GFI1B: variants seen among roughly 807,000 people sequenced by gnomAD.
GFI1B encodes growth factor independent 1B transcriptional repressor.
GFI1B carries 20 observed loss-of-function variants against 35.3 expected under a neutral mutation model. The observed-to-expected ratio is 0.57, with a 90% confidence interval of 0.40 to 0.82. The LOEUF (loss-of-function observed/expected upper bound fraction) is 0.82. Ranked by LOEUF, GFI1B falls within the 40% of genes least tolerant of loss-of-function variation. The pLI is 0.00. For missense variants in GFI1B, 430 were observed against 446.3 expected (o/e 0.96, Z 0.33); for synonymous variants, 178 against 177.6 (o/e 1.00, Z -0.02).
intron 1 of GFI1B, among the ~76,000 whole-genome samples, chr9:132,984,662 G>A (rs980688592): frequency 2.2e-4 from 33 of 152,178 alleles, no homozygotes; most frequent in African/African-American, 7.5e-4. Flanking sequence ...GTCCTTTCTC[G>A]CTCCCCACCA....
intron 1 of GFI1B, among the ~76,000 whole-genome samples, chr9:132,945,979 C>T (rs989855104): frequency 6.6e-6 from 1 of 152,182 alleles, no homozygotes; most frequent in Non-Finnish European, 1.5e-5. Flanking sequence ...CTTCAGAATT[C>T]TGAAAAGGCC....
intron 1 of GFI1B, among the ~76,000 whole-genome samples, chr9:132,969,673 G>A (rs1467343422): frequency 6.6e-6 from 1 of 152,200 alleles, no homozygotes; most frequent in Non-Finnish European, 1.5e-5. Context: ...GGAACTGGGT[G>A]AGATGATTTG....
intron 1 of GFI1B, among the ~76,000 whole-genome samples, chr9:132,961,738 C>T (rs1282302703): frequency 6.6e-6 from 1 of 151,976 alleles, no homozygotes; most frequent in Non-Finnish European, 1.5e-5. Context: ...ACTACAGGTG[C>T]CCGCCACCAC....
intron 1 of GFI1B, among the ~76,000 whole-genome samples, chr9:132,950,822 T>TTTG (rs1279494135): frequency 1.4e-5 from 2 of 146,464 alleles, no homozygotes; most frequent in East Asian, 3.9e-4. Context: ...TATGGGGTTT[T>TTTG]TTGTTGTTGT....
chr9:132,988,206 T>C lies in GFI1B; in HGVS notation c.248T>C (p.Ile83Thr). The change falls in exon 4 of 7, where the codon ATT (isoleucine) becomes ACT (threonine). Residue 83 changes from isoleucine (I) to threonine (T), a missense_variant. By Grantham distance (89) the Ile-to-Thr change is moderately conservative. Transcript: ENST00000372122. ...ARMAPAPEGP[I>T]VLSRPQDGDS... Reference sequence around the variant, plus strand: ...GTCGTTATCTCCACAGAGGGCCCCATTGTGCTGTCCCGACCCCAGGATGGG... The same window carrying C: ...GTCGTTATCTCCACAGAGGGCCCCACTGTGCTGTCCCGACCCCAGGATGGG... 1 of 1,613,942 alleles carries C rather than the reference T, an allele frequency of 6.2e-7. No homozygotes were observed. The highest frequency in any genetic ancestry group is 1.1e-5 in the South Asian group (1 of 91,082).
intron 1 of GFI1B, chr9:132,962,746 C>A (rs993953115): frequency 2.1e-5 from 8 of 373,332 alleles, no homozygotes; most frequent in South Asian, 1.9e-4. Flanking sequence ...AAAATGTCAC[C>A]ATATCTGGAC....
At chr9:132,966,483 T>C (rs1848452429) in intron 1 of GFI1B, among the ~76,000 whole-genome samples, 1 of 152,246 alleles carries the variant, frequency 6.6e-6, no homozygotes, top group African/African-American at 2.4e-5. Context: ...TCTCATTTTT[T>C]AGAACTGTGG....
At chr9:132,976,267 G>A (rs1184920971), upstream of GFI1B, among the ~76,000 whole-genome samples, 2 of 152,188 alleles carry the variant, frequency 1.3e-5, no homozygotes, top group Non-Finnish European at 2.9e-5. Context: ...AACGAACTTA[G>A]GAAGCACTTC....
intron 3 of GFI1B, 63 bp from the exon 4 acceptor site, chr9:132,988,134 C>T (rs1292219224): frequency 1.5e-5 from 22 of 1,496,040 alleles, no homozygotes; most frequent in South Asian, 5.6e-5. Context: ...GCATGAGCCA[C>T]GCCACTGTGC....
At chr9:132,971,798 C>A (rs3094323) in intron 1 of GFI1B, among the ~76,000 whole-genome samples, 133,093 of 151,798 alleles carry the variant, frequency 0.88, 58,501 homozygotes, top group African/African-American at 0.92. Context: ...ACATGGCAAA[C>A]CCCTGTCTCC....
At chr9:132,972,556 C>T (rs1375496979) in intron 1 of GFI1B, among the ~76,000 whole-genome samples, 1 of 152,190 alleles carries the variant, frequency 6.6e-6, no homozygotes, top group Non-Finnish European at 1.5e-5. Context: ...AGCCACTGCA[C>T]TCCAGCCTGG....
In GFI1B at chr9:132,991,311, C is replaced by T. The variant is rs141363252; in HGVS notation, c.*261C>T. 935 of 534,422 alleles carry T rather than the reference C, an allele frequency of 1.7e-3. 7 individuals carry two copies. The highest frequency in any genetic ancestry group is 0.016 in the African/African-American group (819 of 52,584). 33.1% of individuals were successfully genotyped at this position (534,422 alleles called of 1,614,324 possible). On this transcript the variant is annotated 3_prime_UTR_variant, in exon 7 of 7. Coordinates refer to ENST00000372122, the MANE Select transcript of GFI1B (RefSeq NM_001377304.1). ...GTTGTTTCCAGGTGTGCTCAAGTGC[C>T]TTCCTCTAGCAGAGCACAGAAAGCT...
At chr9:132,949,268 T>TACACACACAC (rs36015720) in intron 1 of GFI1B, among the ~76,000 whole-genome samples, 72 of 137,680 alleles carry the variant, frequency 5.2e-4, no homozygotes, top group Middle Eastern at 3.8e-3. Context: ...AACCCACAGA[T>TACACACACAC]ACACACACAC....
At chr9:132,960,657 C>T (rs1169483777) in intron 1 of GFI1B, among the ~76,000 whole-genome samples, 3 of 151,838 alleles carry the variant, frequency 2.0e-5, no homozygotes, top group African/African-American at 4.8e-5. Flanking sequence ...CCACTACACC[C>T]GGATACTTTT....
chr9:132,968,129 TG>T (rs1458781308), intron 1 of GFI1B, among the ~76,000 whole-genome samples: 34 of 140,724 alleles, frequency 2.4e-4, no homozygotes, highest in Admixed American at 7.2e-4. Context: ...TTTATTTATT[TG>T]ATTTGAGACA....
At chr9:132,982,715 A>G (rs2132630026) in intron 1 of GFI1B, among the ~76,000 whole-genome samples, 1 of 152,038 alleles carries the variant, frequency 6.6e-6, no homozygotes, top group Non-Finnish European at 1.5e-5. Context: ...AAAAAAAACA[A>G]CTCTGCTAAC....
chr9:132,990,587 C>T (rs771520180), intron 6 of GFI1B, among the ~76,000 whole-genome samples: 1 of 152,366 alleles, frequency 6.6e-6, no homozygotes, highest in Non-Finnish European at 1.5e-5. Flanking sequence ...TAGCTGAGTG[C>T]CTCTTTTGTG....
intron 1 of GFI1B, among the ~76,000 whole-genome samples, chr9:132,947,925 A>G (rs1424886553): frequency 6.6e-6 from 1 of 152,146 alleles, no homozygotes; most frequent in African/African-American, 2.4e-5. Context: ...CAGTTTGAAC[A>G]CTCAGCAGTC....
chr9:132,980,989 G>A (rs957500922), intron 1 of GFI1B, among the ~76,000 whole-genome samples: 8 of 152,112 alleles, frequency 5.3e-5, no homozygotes, highest in African/African-American at 1.7e-4. Context: ...TCTGCCTCCC[G>A]GGTTCAAGCG....
Sources: gnomAD v4.1 joint callset for allele counts (sites outside exome capture counted in the v4.1 genomes callset) on GRCh38, gnomAD v4.1.1 for gene constraint, MANE v1.5 for transcripts, NCBI Gene and HGNC (gene_info 2026-07-23, HGNC 2026-07-21) for gene names.